GPT: variants seen among roughly 807,000 people sequenced by gnomAD.
GPT encodes alanine aminotransferase 1.
A neutral mutation model predicts 51.4 loss-of-function variants in GPT; 60 were observed. The ratio of observed to expected loss-of-function variants is 1.17; its 90% CI spans 0.95 to 1.45. The LOEUF (loss-of-function observed/expected upper bound fraction) is 1.45. Among genes scored for constraint, GPT ranks in the 40% most tolerant of loss-of-function variants. The pLI, the probability that GPT is intolerant of heterozygous loss-of-function variation, is 0.00. For missense variants in GPT, 853 were observed against 704.0 expected, an observed-to-expected ratio of 1.21 and a Z score of -2.40; for synonymous variants, 397 against 303.1, an observed-to-expected ratio of 1.31 and a Z score of -3.22.
chr8:144,506,251 T>C lies in GPT; in HGVS notation c.976T>C (p.Tyr326His). ...YMGECGFRGG[Y>H]VEVVNMDAAV... The stretch of plus-strand genomic sequence containing the variant: ...GCGCAGGTGCGGGTTCCGCGGCGGC[T>C]ATGTGGAGGTGGTGAACATGGACGC... The change falls in exon 8 of 11, where the codon TAT (tyrosine) becomes CAT (histidine). Residue 326 changes from tyrosine (Y) to histidine (H), a missense_variant. Coordinates refer to ENST00000394955, the MANE Select transcript of GPT (RefSeq NM_005309.3). This position sits in a 1 kb window ranked among gnomAD's most constrained non-coding sequence, Gnocchi z 7.0. 1 of 1,606,898 alleles carries C rather than the reference T, an allele frequency of 6.2e-7. No individual in the cohort carries two copies. Among genetic ancestry groups the C allele is most frequent in the Non-Finnish European group, 8.5e-7 (1 of 1,179,004 alleles).
rs1446125697 is a variant in GPT at position 144,504,291 on chromosome 8, G to A, written c.-14G>A. The A allele has an allele frequency of 6.2e-7, 1 of 1,606,370 alleles. No homozygotes were observed. The highest frequency in any genetic ancestry group is 8.5e-7 in the Non-Finnish European group (1 of 1,179,742). ...ACCTCCTGAGCTGCCTTCCCGCCTG[G>A]TCTGGGTAGAGTCATGGCCTCGAGC... is the stretch of plus-strand genomic sequence containing the variant. On this transcript the variant is annotated 5_prime_UTR_variant, in exon 1 of 11. Coordinates refer to ENST00000394955, the MANE Select transcript of GPT (RefSeq NM_005309.3).
chr8:144,505,388 C>G lies in GPT; in HGVS notation c.638C>G (p.Ala213Gly). 6 of 1,594,186 alleles carry G rather than the reference C, an allele frequency of 3.8e-6. No individual in the cohort carries two copies. Among genetic ancestry groups the G allele is most frequent in the Non-Finnish European group, 5.1e-6 (6 of 1,171,764 alleles). The change falls in exon 5 of 11, where the codon GCC becomes GGC. Residue 213 changes from alanine (A) to glycine (G), a missense_variant. Coordinates refer to ENST00000394955, the MANE Select transcript of GPT (RefSeq NM_005309.3). ...QVDYYLDEER[A>G]WALDVAELHR... The stretch of plus-strand genomic sequence containing the variant: ...GATTACTACCTGGACGAGGAGCGTG[C>G]CTGGGCGCTGGACGTGGCCGAGCTT...
Position 144,507,091 on chromosome 8 carries a change from C to A in GPT, c.*91C>A, listed in dbSNP as rs1229297771. 2.5e-6 allele frequency: 1 copy of A among 404,644 alleles called. No homozygotes were observed. The highest frequency in any genetic ancestry group is 9.0e-5 in the East Asian group (1 of 11,104). 25.1% of individuals were successfully genotyped at this position (404,644 alleles called of 1,614,324 possible). The stretch of plus-strand genomic sequence containing the variant: ...GAGCCCACTGTACTTGCTCTTGATG[C>A]CTGGCGGGGTGGGGTGGGGGGGGTG... On this transcript the variant is annotated 3_prime_UTR_variant, in exon 11 of 11. Transcript: ENST00000394955.
In GPT at chr8:144,506,124, A is replaced by C. The variant is rs1174841890; in HGVS notation, c.949A>C (p.Met317Leu). Residue 317 changes from methionine (M) to leucine (L), a missense_variant, in exon 7 of 11, where the codon ATG (methionine) becomes CTG (leucine). Transcript: ENST00000394955. This position sits in a 1 kb window ranked among gnomAD's most constrained non-coding sequence, Gnocchi z 7.0. Reference protein sequence around the residue: ...ASFHSTSKGYMGECGFRGGYV... With the variant: ...ASFHSTSKGYLGECGFRGGYV... ...CTTCCACTCCACCTCCAAGGGCTACATGGGCGAGTGCGTGCGTACGAGGCG... is the reference window on the plus strand; with the variant it reads ...CTTCCACTCCACCTCCAAGGGCTACCTGGGCGAGTGCGTGCGTACGAGGCG... The C allele has an allele frequency of 1.2e-6, 2 of 1,612,072 alleles. No individual in the cohort carries two copies. Among genetic ancestry groups the C allele is most frequent in the South Asian group, 2.2e-5 (2 of 91,072 alleles).
chr8:144,506,683 T>TGGGCGGGGGGGGG lies in GPT; in HGVS notation c.1287+31_1287+32insGGGGGGGGGGGGC. The TGGGCGGGGGGGGG allele has an allele frequency of 4.5e-6, 3 of 665,212 alleles. No individual in the cohort carries two copies. Among genetic ancestry groups the TGGGCGGGGGGGGG allele is most frequent in the Non-Finnish European group, 7.2e-6 (3 of 415,548 alleles). The allele number at this position is 665,212 out of a possible 1,614,324, so 41.2% of individuals were successfully genotyped here. On this transcript the variant is annotated intron_variant, in intron 9 of 10. Coordinates refer to ENST00000394955, the MANE Select transcript of GPT (RefSeq NM_005309.3). The surrounding 1 kb of genome is among the most constrained non-coding windows in gnomAD (Gnocchi z 7.0). ...TCAGGCGGGGGCGGGGCCTGCGGGG[T>TGGGCGGGGGGGGG]GGGCAGGGGGGGCCGGGCATCCCTC...
In GPT at chr8:144,507,106, T is replaced by TGGGGGGGGGGGGA; in HGVS notation, c.*114_*115insGGGGAGGGGGGGG. ...GCTCTTGATGCCTGGCGGGGTGGGG[T>TGGGGGGGGGGGGA]GGGGGGGGTGCTGGGCCCCTGCCTC... On this transcript the variant is annotated 3_prime_UTR_variant, in exon 11 of 11. Transcript: ENST00000394955. 6.2e-6 allele frequency: 1 copy of TGGGGGGGGGGGGA among 161,086 alleles called. No individual in the cohort carries two copies. Among genetic ancestry groups the TGGGGGGGGGGGGA allele is most frequent in the Non-Finnish European group, 1.3e-5 (1 of 75,986 alleles). 10.0% of individuals were successfully genotyped at this position (161,086 alleles called of 1,614,324 possible).
upstream of GPT, among the ~76,000 whole-genome samples, chr8:144,503,399 G>C: frequency 6.6e-6 from 1 of 152,152 alleles, no homozygotes; most frequent in Non-Finnish European, 1.5e-5. Context: ...TCGGGAACAA[G>C]AGGGCTGGAG....
rs775677970 is a variant in GPT, at chr8:144,507,003, A to AC, written c.*7dup. 2.1e-6 allele frequency: 3 copies of AC among 1,446,764 alleles called. No individual in the cohort carries two copies. The highest frequency in any genetic ancestry group is 2.8e-6 in the Non-Finnish European group (3 of 1,080,144). The allele number at this position is 1,446,764 out of a possible 1,614,324, so 89.6% of individuals were successfully genotyped here. On this transcript the variant is annotated 3_prime_UTR_variant, in exon 11 of 11. Transcript: ENST00000394955. ...AGTTCACCCTCGAGTACTCCTGAGCACCCCAGCTGGGGCCAGGCTGGGTCG... is the reference window on the plus strand; with the variant it reads ...AGTTCACCCTCGAGTACTCCTGAGCACCCCCAGCTGGGGCCAGGCTGGGTCG...
At position 144,505,042 on chromosome 8, in the gene GPT, G is replaced by C. The variant is rs762924568; in HGVS notation, c.406G>C (p.Val136Leu). 3.1e-6 allele frequency: 5 copies of C among 1,613,046 alleles called. No individual in the cohort carries two copies. Among genetic ancestry groups the C allele is most frequent in the African/African-American group, 1.3e-5 (1 of 74,932 alleles). ...SSGIQLIREDVARYIERRDGG... is the reference protein window; with the variant it reads ...SSGIQLIREDLARYIERRDGG... ...CGGCATCCAGCTGATCCGGGAGGAC[G>C]TGGCGCGGTACATTGAGAGGCGTGA... Residue 136 changes from valine (V) to leucine (L), a missense_variant, in exon 4 of 11, where the codon GTG becomes CTG. Physicochemically the swap from Val to Leu is conservative, Grantham distance 32. Transcript: ENST00000394955.
At position 144,506,867 on chromosome 8, in the gene GPT, G is replaced by A. The variant is rs201844010; in HGVS notation, c.1400+24G>A. ...CGGTGAGGCCTGGCCCTCACTCCCT[G>A]TCCCGCCACCCTGGCCCTTCACTCA... On this transcript the variant is annotated intron_variant, in intron 10 of 10. Coordinates refer to ENST00000394955, the MANE Select transcript of GPT (RefSeq NM_005309.3). The surrounding 1 kb of genome is among the most constrained non-coding windows in gnomAD (Gnocchi z 7.0). The A allele has an allele frequency of 2.8e-4, 444 of 1,612,096 alleles. 2 individuals carry two copies. In the African/African-American group the frequency reaches 4.2e-3, roughly 15 times the overall value.
chr8:144,506,599 C>G lies in GPT; in HGVS notation c.1230C>G (p.Gly410=). The G allele has an allele frequency of 6.4e-7, 1 of 1,567,714 alleles. No homozygotes were observed. Among genetic ancestry groups the G allele is most frequent in the East Asian group, 2.3e-5 (1 of 42,854 alleles). The stretch of plus-strand genomic sequence containing the variant: ...GCATCAGCTGCAACCCAGTGCAGGG[C>G]GCCATGTACTCCTTCCCGCGCGTGC... ...APGISCNPVQ[G]AMYSFPRVQL... The change falls in exon 9 of 11, where the codon GGC becomes GGG. Residue 410 remains glycine, a synonymous_variant. Coordinates refer to ENST00000394955, the MANE Select transcript of GPT (RefSeq NM_005309.3). The surrounding 1 kb of genome is among the most constrained non-coding windows in gnomAD (Gnocchi z 7.0).
At position 144,505,839 on chromosome 8, in the gene GPT, G is replaced by C; in HGVS notation, c.740-9G>C. 6.5e-7 allele frequency: 1 copy of C among 1,544,698 alleles called. No homozygotes were observed. Among genetic ancestry groups the C allele is most frequent in the Non-Finnish European group, 8.7e-7 (1 of 1,146,450 alleles). On this transcript the variant is annotated splice_polypyrimidine_tract_variant and intron_variant, in intron 5 of 10. Coordinates refer to ENST00000394955, the MANE Select transcript of GPT (RefSeq NM_005309.3). ...CTCACCCAGCACTGCTGCCTCCCCGGCACCCCAGGGCAGGTGCAGACCCGC... is the reference window on the plus strand; with the variant it reads ...CTCACCCAGCACTGCTGCCTCCCCGCCACCCCAGGGCAGGTGCAGACCCGC...
chr8:144,505,423 C>T lies in GPT; in HGVS notation c.673C>T (p.Leu225=). The T allele has an allele frequency of 1.3e-6, 2 of 1,599,580 alleles. No individual in the cohort carries two copies. The highest frequency in any genetic ancestry group is 1.7e-6 in the Non-Finnish European group (2 of 1,175,156). Residue 225 remains leucine, a synonymous_variant, in exon 5 of 11, where the codon CTG becomes TTG. Coordinates refer to ENST00000394955, the MANE Select transcript of GPT (RefSeq NM_005309.3). ...ALDVAELHRA[L]GQARDHCRPR... ...GGACGTGGCCGAGCTTCACCGTGCA[C>T]TGGGCCAGGCGCGTGACCACTGCCG...
rs1282073536 is a variant in GPT at position 144,506,407 on chromosome 8, G to A, written c.1131+1G>A. On this transcript the variant is annotated splice_donor_variant, in intron 8 of 10. Coordinates refer to ENST00000394955, the MANE Select transcript of GPT (RefSeq NM_005309.3). LOFTEE classifies it high-confidence loss of function. This position sits in a 1 kb window ranked among gnomAD's most constrained non-coding sequence, Gnocchi z 7.0. ...CCCCTCCTTTGCGCAGTTCCAGGCTGTGAGTTGGGGGCAGGAGGGGGTCCA... is the reference window on the plus strand; with the variant it reads ...CCCCTCCTTTGCGCAGTTCCAGGCTATGAGTTGGGGGCAGGAGGGGGTCCA... The A allele has an allele frequency of 1.5e-5, 24 of 1,559,518 alleles. No homozygotes were observed. In the Admixed American group the frequency reaches 4.4e-4, roughly 29 times the overall value.
rs2041296686 is a variant in GPT at position 144,504,874 on chromosome 8, G to C, written c.356G>C (p.Ser119Thr). The C allele has an allele frequency of 6.2e-7, 1 of 1,613,124 alleles. No individual in the cohort carries two copies. The highest frequency in any genetic ancestry group is 1.1e-5 in the South Asian group (1 of 91,090). ...ATCTTGCAGGCGTGTGGGGGCCACA[G>C]TCTGGGTGAGAGCCAGGGCCAGGAG... is the stretch of plus-strand genomic sequence containing the variant. ...ERILQACGGHSLGAYSVSSGI... is the reference protein window; with the variant it reads ...ERILQACGGHTLGAYSVSSGI... The change falls in exon 3 of 11, where the codon AGT becomes ACT. Residue 119 changes from serine (S) to threonine (T), a missense_variant. By Grantham distance (58) the Ser-to-Thr change is moderately conservative. Coordinates refer to ENST00000394955, the MANE Select transcript of GPT (RefSeq NM_005309.3).
chr8:144,506,928 C>T lies in GPT; in HGVS notation c.1419C>T (p.Pro473=), dbSNP rs1586776382. Residue 473 remains proline, a synonymous_variant, in exon 11 of 11, where the codon CCC becomes CCT. Transcript: ENST00000394955. This position sits in a 1 kb window ranked among gnomAD's most constrained non-coding sequence, Gnocchi z 7.0. ...TYHFRMTILP[P]LEKLRLLLEK... ...CTTTCAGGATGACCATTCTGCCCCC[C>T]TTGGAGAAACTGCGGCTGCTGCTGG... 6.2e-7 allele frequency: 1 copy of T among 1,612,960 alleles called. No individual in the cohort carries two copies.
rs775659216 is a variant in GPT at position 144,504,645 on chromosome 8, C to A, written c.204C>A (p.Ile68=). ...KPFTEVIRAN[I]GDAQAMGQRP... is the part of the protein sequence containing the mutation. Reference sequence around the variant, plus strand: ...TCACCGAGGTCATCCGTGCCAACATCGGGGACGCACAGGCTATGGGGCAGA... The same window carrying A: ...TCACCGAGGTCATCCGTGCCAACATAGGGGACGCACAGGCTATGGGGCAGA... Residue 68 remains isoleucine (I), a synonymous_variant, in exon 2 of 11, where the codon ATC becomes ATA. Coordinates refer to ENST00000394955, the MANE Select transcript of GPT (RefSeq NM_005309.3). The A allele has an allele frequency of 1.2e-6, 2 of 1,613,198 alleles. No homozygotes were observed.
rs1351295416 is a variant in GPT at position 144,506,169 on chromosome 8, TGGCCAGGCCCTCCTCGCCCGATG to T, written c.956+44_957-35del. The T allele has an allele frequency of 1.0e-5, 16 of 1,604,518 alleles. No individual in the cohort carries two copies. Among genetic ancestry groups the T allele is most frequent in the Non-Finnish European group, 1.3e-5 (15 of 1,176,090 alleles). ...GAGGCGGGTGGGGGCTCGCGGGCCA[TGGCCAGGCCCTCCTCGCCCGATG>T]GGCCACCCCCTCCTCCGCACCTGAC... On this transcript the variant is annotated intron_variant, in intron 7 of 10. Transcript: ENST00000394955. The surrounding 1 kb of genome is among the most constrained non-coding windows in gnomAD (Gnocchi z 7.0).
rs752435533 is a variant in GPT, at chr8:144,504,398, A to T, written c.94A>T (p.Arg32Ter). The T allele has an allele frequency of 1.8e-5, 29 of 1,611,684 alleles. No individual in the cohort carries two copies. Among genetic ancestry groups the T allele is most frequent in the Non-Finnish European group, 2.3e-5 (27 of 1,179,964 alleles). Residue 32 changes from arginine (R) to a stop codon, truncating the protein, a stop_gained, in exon 1 of 11, where the codon AGA (arginine) becomes TGA (stop). Coordinates refer to ENST00000394955, the MANE Select transcript of GPT (RefSeq NM_005309.3). LOFTEE classifies it high-confidence loss of function. ...TLDGMNPRVRRVEYAVRGPIV... is the reference protein window; with the variant it reads ...TLDGMNPRVR The stretch of plus-strand genomic sequence containing the variant: ...GGACGGCATGAACCCGCGTGTGCGG[A>T]GAGTGGAGTACGCAGTGCGTGGCCC...
Sources: gnomAD v4.1 joint callset for allele counts (sites outside exome capture counted in the v4.1 genomes callset) on GRCh38, gnomAD v4.1.1 for gene constraint, Gnocchi (gnomAD v3.1) non-coding constraint, MANE v1.5 for transcripts, NCBI Gene and HGNC (gene_info 2026-07-23, HGNC 2026-07-21) for gene names.